ZNF536: variants seen among roughly 807,000 people sequenced by gnomAD.
The protein encoded by ZNF536 is zinc finger protein 536.
ZNF536 carries 13 observed loss-of-function variants against 84.5 expected under a neutral mutation model. That is an observed-to-expected ratio of 0.15 (90% CI 0.10 to 0.24). The LOEUF is 0.24. ZNF536 is among the 10% of genes least tolerant of loss of function. The pLI, the probability that ZNF536 is intolerant of heterozygous loss-of-function variation, is 1.00. For synonymous variants in ZNF536, 811 were observed against 742.5 expected, an observed-to-expected ratio of 1.09 and a Z score of -1.50; for missense variants, 1,536 against 1,747.5, an observed-to-expected ratio of 0.88 and a Z score of 2.16.
intron 1 of ZNF536, among the ~76,000 whole-genome samples, chr19:30,403,200 A>G (rs1912913119): frequency 6.6e-6 from 1 of 152,192 alleles, no homozygotes; most frequent in African/African-American, 2.4e-5. Flanking sequence ...TGATCTGGCC[A>G]TTTCAGACGT....
At chr19:30,287,670 GTGGATGGATGGATGGA>G (rs575229970) in intron 2 of ZNF536, among the ~76,000 whole-genome samples, 188 of 63,190 alleles carry the variant, frequency 3.0e-3, no homozygotes, top group South Asian at 4.7e-3. Flanking sequence ...GGATGGGTGG[GTGGATGGATGGATGGA>G]TGGATGGATG....
At chr19:30,607,604 C>A (rs2047945031) in intron 1 of ZNF536, among the ~76,000 whole-genome samples, 1 of 151,356 alleles carries the variant, frequency 6.6e-6, no homozygotes, top group Non-Finnish European at 1.5e-5. Context: ...CACCTGTAAT[C>A]ACAGCTACTC....
intron 1 of ZNF536, among the ~76,000 whole-genome samples, chr19:30,681,162 C>G (rs779541433): frequency 2.0e-5 from 3 of 152,160 alleles, no homozygotes; most frequent in Admixed American, 6.5e-5. Flanking sequence ...GGCTCTGTAT[C>G]CTCCATGGAT....
intron 1 of ZNF536, among the ~76,000 whole-genome samples, chr19:30,567,990 A>G (rs186531844): frequency 3.3e-5 from 5 of 152,326 alleles, no homozygotes; most frequent in African/African-American, 1.2e-4. Context: ...AAAGGATCAT[A>G]TGTGTTTCCC....
intron 2 of ZNF536, among the ~76,000 whole-genome samples, chr19:30,454,659 A>G (rs531665911): frequency 6.6e-6 from 1 of 152,306 alleles, no homozygotes; most frequent in South Asian, 2.1e-4. Flanking sequence ...CTGTTGAGAG[A>G]GAAGGCTTGG....
At chr19:30,247,441 G>C (rs992123634) in intron 1 of ZNF536, among the ~76,000 whole-genome samples, 1 of 152,186 alleles carries the variant, frequency 6.6e-6, no homozygotes, top group Non-Finnish European at 1.5e-5. Flanking sequence ...TTTGCAGGGG[G>C]TGCTGTTGTC....
intron 1 of ZNF536, among the ~76,000 whole-genome samples, chr19:30,641,935 G>A (rs2049280385): frequency 6.6e-6 from 1 of 152,164 alleles, no homozygotes; most frequent in African/African-American, 2.4e-5. Context: ...CAAAGCCAAG[G>A]ATAATAGTAC....
At chr19:30,684,118 T>C (rs1001321662) in intron 1 of ZNF536, among the ~76,000 whole-genome samples, 2 of 151,556 alleles carry the variant, frequency 1.3e-5, no homozygotes, top group African/African-American at 4.8e-5. Context: ...GACTCACATG[T>C]ACACACACAC....
chr19:30,347,690 A>G (rs1019661306), intron 2 of ZNF536, among the ~76,000 whole-genome samples: 5 of 152,202 alleles, frequency 3.3e-5, no homozygotes, highest in Non-Finnish European at 7.3e-5. Flanking sequence ...GCACTGAGGT[A>G]TACAGGGCCA....
chr19:30,634,598 C>T (rs1334663076), intron 1 of ZNF536, among the ~76,000 whole-genome samples: 1 of 152,076 alleles, frequency 6.6e-6, no homozygotes, highest in Non-Finnish European at 1.5e-5. Context: ...ATCGAAAGTC[C>T]TGAGATGATA....
At chr19:30,375,279 G>C (rs926481676) in intron 1 of ZNF536, among the ~76,000 whole-genome samples, 5 of 150,212 alleles carry the variant, frequency 3.3e-5, no homozygotes, top group African/African-American at 1.2e-4. Context: ...GCCCGCGCCC[G>C]GGCCCCGCGA....
At chr19:30,651,255 C>T (rs1481680274) in intron 1 of ZNF536, among the ~76,000 whole-genome samples, 1 of 152,174 alleles carries the variant, frequency 6.6e-6, no homozygotes, top group Non-Finnish European at 1.5e-5. Context: ...CCTGTATTTC[C>T]TAGAACCAGG....
rs367614015 is a variant in ZNF536, at chr19:30,548,206, G to T, written c.2587G>T (p.Val863Phe). The change falls in exon 4 of 5, where the codon GTT becomes TTT. Residue 863 changes from valine (V) to phenylalanine (F), a missense_variant. By Grantham distance (50) the Val-to-Phe change is conservative. This residue lies in a region of ZNF536 where 624 missense variants were observed against 603.1 expected (regional missense o/e 1.03). Transcript: ENST00000355537. ...GPASQQWTSG[V>F]LSSGDHSGQA... Reference sequence around the variant, plus strand: ...TGCATCTCAGCAGTGGACATCAGGGGTTCTCTCCTCTGGAGATCACTCGGG... The same window carrying T: ...TGCATCTCAGCAGTGGACATCAGGGTTTCTCTCCTCTGGAGATCACTCGGG... 34 of 1,614,068 alleles carry T rather than the reference G, an allele frequency of 2.1e-5. No individual in the cohort carries two copies. Among genetic ancestry groups the T allele is most frequent in the Non-Finnish European group, 2.7e-5 (32 of 1,180,052 alleles).
chr19:30,643,184 C>A (rs763437938), intron 1 of ZNF536, among the ~76,000 whole-genome samples: 2 of 152,206 alleles, frequency 1.3e-5, no homozygotes, highest in Non-Finnish European at 2.9e-5. Flanking sequence ...GTTCATGAAT[C>A]TATCCATTCC....
At chr19:30,563,372 A>T (rs762611992) in intron 1 of ZNF536, among the ~76,000 whole-genome samples, 1 of 152,164 alleles carries the variant, frequency 6.6e-6, no homozygotes, top group Non-Finnish European at 1.5e-5. Flanking sequence ...ATTGGCTCCA[A>T]CTGAGCTGTT....
chr19:30,655,095 G>A (rs186971719), intron 1 of ZNF536, among the ~76,000 whole-genome samples: 8 of 152,294 alleles, frequency 5.3e-5, no homozygotes, highest in Admixed American at 5.2e-4. Flanking sequence ...AGGGAGTTAG[G>A]AGGACTCACA....
intron 2 of ZNF536, among the ~76,000 whole-genome samples, chr19:30,337,580 T>G (rs2047421980): frequency 6.6e-6 from 1 of 152,184 alleles, no homozygotes; most frequent in Non-Finnish European, 1.5e-5. Flanking sequence ...CCACTCCTGA[T>G]ACTAGCTGAT....
intron 1 of ZNF536, among the ~76,000 whole-genome samples, chr19:30,588,792 C>A (rs2047181657): frequency 6.6e-6 from 1 of 152,120 alleles, no homozygotes; most frequent in South Asian, 2.1e-4. Context: ...GTTGAGTACT[C>A]CTGGGCTTCC....
At chr19:30,424,481 T>C (rs1485977023) in intron 1 of ZNF536, among the ~76,000 whole-genome samples, 1 of 152,184 alleles carries the variant, frequency 6.6e-6, no homozygotes, top group Non-Finnish European at 1.5e-5. Context: ...CACAGTCTGC[T>C]GAGCACACAG....
Sources: allele counts gnomAD v4.1 joint callset (sites outside exome capture counted in the v4.1 genomes callset), GRCh38; gene constraint gnomAD v4.1.1; regional missense constraint gnomAD v4.1.1; transcripts MANE v1.5; gene names NCBI Gene and HGNC (gene_info 2026-07-23, HGNC 2026-07-21).